The following C1orf21 variants were observed in gnomAD, a reference collection of about 807,000 sequenced individuals.
C1orf21 encodes chromosome 1 open reading frame 21.
C1orf21 carries 3 observed loss-of-function variants against 18.7 expected under a neutral mutation model. The ratio of observed to expected loss-of-function variants is 0.16; its 90% confidence interval spans 0.07 to 0.42. C1orf21 has a LOEUF of 0.42. C1orf21 is among the 10% of genes least tolerant of loss of function. The pLI is 0.99. For missense variants in C1orf21, 104 were observed against 143.6 expected (o/e 0.72, Z 1.41); for synonymous variants, 41 against 46.4 (o/e 0.88, Z 0.47).
intron 1 of C1orf21, among the ~76,000 whole-genome samples, chr1:184,470,033 T>C (rs1001301570): frequency 5.9e-5 from 9 of 152,216 alleles, no homozygotes; most frequent in African/African-American, 2.2e-4. Flanking sequence ...AAAATCAAAT[T>C]GTGCCTTTTA....
intron 3 of C1orf21, among the ~76,000 whole-genome samples, chr1:184,553,056 C>T (rs998317553): frequency 1.3e-5 from 2 of 152,054 alleles, no homozygotes; most frequent in Non-Finnish European, 2.9e-5. Flanking sequence ...AATAGGTGCT[C>T]AATAAATGTC....
At chr1:184,438,589 G>A (rs1442105964) in intron 1 of C1orf21, among the ~76,000 whole-genome samples, 1 of 152,194 alleles carries the variant, frequency 6.6e-6, no homozygotes, top group East Asian at 1.9e-4. Context: ...ATGGACTGAG[G>A]TCTGGGGCTG....
intron 1 of C1orf21, among the ~76,000 whole-genome samples, chr1:184,450,934 G>A (rs1449626513): frequency 6.6e-6 from 1 of 152,156 alleles, no homozygotes; most frequent in Non-Finnish European, 1.5e-5. Context: ...CTGGAGTGCA[G>A]TGGCGCAATC....
intron 3 of C1orf21, among the ~76,000 whole-genome samples, chr1:184,545,374 T>C (rs1337679095): frequency 1.3e-5 from 2 of 152,236 alleles, no homozygotes; most frequent in Non-Finnish European, 2.9e-5. Flanking sequence ...CTATATGGCT[T>C]GATATATTTT....
chr1:184,505,340 T>TATATACAC (rs1285554960), intron 2 of C1orf21, among the ~76,000 whole-genome samples: 3 of 118,708 alleles, frequency 2.5e-5, no homozygotes, highest in Non-Finnish European at 4.9e-5. Context: ...TATATATATA[T>TATATACAC]ACACACATGC....
chr1:184,517,716 T>G (rs1215296467), intron 3 of C1orf21, among the ~76,000 whole-genome samples: 2 of 152,172 alleles, frequency 1.3e-5, no homozygotes, highest in Non-Finnish European at 2.9e-5. Flanking sequence ...TCTAGAGGAC[T>G]GAGGTGTTCC....
chr1:184,568,478 G>A, intron 3 of C1orf21: 1 of 470,322 alleles, frequency 2.1e-6, no homozygotes, highest in South Asian at 1.6e-5. Flanking sequence ...AAGTTCTTAT[G>A]TGATACTGTG....
intron 3 of C1orf21, among the ~76,000 whole-genome samples, chr1:184,525,253 A>C (rs1658361579): frequency 6.6e-6 from 1 of 152,024 alleles, no homozygotes; most frequent in African/African-American, 2.4e-5. Flanking sequence ...GTTTCCATGG[A>C]AAGTTGACTT....
chr1:184,565,450 CTG>C (rs1269610924), intron 3 of C1orf21, among the ~76,000 whole-genome samples: 2 of 152,234 alleles, frequency 1.3e-5, no homozygotes, highest in African/African-American at 2.4e-5. Context: ...TTTTAAAGAT[CTG>C]GCCACCTTCA....
At chr1:184,479,458 T>C (rs1657619886) in intron 2 of C1orf21, among the ~76,000 whole-genome samples, 1 of 152,154 alleles carries the variant, frequency 6.6e-6, no homozygotes, top group South Asian at 2.1e-4. Flanking sequence ...AAATATGTGC[T>C]ACGCAAATTT....
At chr1:184,462,807 T>G (rs1406357771) in intron 1 of C1orf21, among the ~76,000 whole-genome samples, 1 of 152,014 alleles carries the variant, frequency 6.6e-6, no homozygotes, top group African/African-American at 2.4e-5. Context: ...TTCGGCCGGG[T>G]GTGGTGGCTC....
chr1:184,558,463 C>A (rs1181735251), intron 3 of C1orf21, among the ~76,000 whole-genome samples: 1 of 152,074 alleles, frequency 6.6e-6, no homozygotes, highest in African/African-American at 2.4e-5. Flanking sequence ...GCCAGGAATT[C>A]CAAAGTCAAA....
chr1:184,578,722 T>C (rs1031214876), intron 3 of C1orf21, among the ~76,000 whole-genome samples: 9 of 152,190 alleles, frequency 5.9e-5, no homozygotes, highest in Middle Eastern at 3.2e-3. Flanking sequence ...ACCTCTGTGA[T>C]TAATCTTAGA....
chr1:184,617,980 G>T (rs960557915), intron 5 of C1orf21, among the ~76,000 whole-genome samples: 21 of 145,104 alleles, frequency 1.4e-4, no homozygotes, highest in African/African-American at 5.4e-4. Context: ...TGCGATCTTG[G>T]CTCACTGCAA....
At chr1:184,467,358 T>G (rs189990995) in intron 1 of C1orf21, among the ~76,000 whole-genome samples, 31 of 152,334 alleles carry the variant, frequency 2.0e-4, no homozygotes, top group Admixed American at 1.0e-3. Context: ...TTGGAAGATG[T>G]GAGCTACATG....
intron 1 of C1orf21, among the ~76,000 whole-genome samples, chr1:184,390,064 C>T (rs756698027): frequency 1.3e-5 from 2 of 152,116 alleles, no homozygotes; most frequent in African/African-American, 4.8e-5. Flanking sequence ...ACAGTAATTC[C>T]GGAGGGAGAT....
At chr1:184,412,513 C>A (rs745439357) in intron 1 of C1orf21, among the ~76,000 whole-genome samples, 1 of 152,194 alleles carries the variant, frequency 6.6e-6, no homozygotes, top group Non-Finnish European at 1.5e-5. Context: ...TTCTCTAAGG[C>A]TCTGCCTAAT....
rs561307408 is a variant in C1orf21, at chr1:184,479,356, T to C, written c.94+1753T>C. The stretch of plus-strand genomic sequence containing the variant: ...TCCTGTGTCATTATCATTTTTATAA[T>C]AGAGCTACCATTTATGGAGCCGTCA... On this transcript the variant is annotated intron_variant, in intron 2 of 5. Transcript: ENST00000235307. Among the ~76,000 whole-genome samples, 7 of 152,204 alleles carry C rather than the reference T, an allele frequency of 4.6e-5. No homozygotes were observed. In the South Asian group the frequency reaches 6.2e-4, roughly 13 times the overall value.
chr1:184,546,839 G>A (rs1658735011), intron 3 of C1orf21, among the ~76,000 whole-genome samples: 1 of 152,166 alleles, frequency 6.6e-6, no homozygotes, highest in African/African-American at 2.4e-5. Flanking sequence ...TGTCCAGCTG[G>A]ACAAAGCCCA....
Sources: allele counts gnomAD v4.1 joint callset (sites outside exome capture counted in the v4.1 genomes callset), GRCh38; gene constraint gnomAD v4.1.1; transcripts MANE v1.5; gene names NCBI Gene and HGNC (gene_info 2026-07-23, HGNC 2026-07-21).